CRIM1: variants seen among roughly 807,000 people sequenced by gnomAD.
CRIM1 encodes the protein cysteine rich transmembrane BMP regulator 1.
In CRIM1, 32 loss-of-function variants were observed where a neutral mutation model predicts 116.4. The ratio of observed to expected loss-of-function variants is 0.27; its 90% confidence interval spans 0.21 to 0.37. CRIM1 has a LOEUF of 0.37. Among genes scored for constraint, CRIM1 ranks in the 10% least tolerant of loss-of-function variants. The probability of loss-of-function intolerance (pLI) is 1.00; values close to 1 mark genes in which losing one functional copy is unlikely to be tolerated. For synonymous variants in CRIM1, 590 were observed against 509.2 expected (o/e 1.16, Z -2.13); for missense variants, 1,331 against 1,354.8 (o/e 0.98, Z 0.28).
chr2:36,537,351 G>C lies in CRIM1; in HGVS notation c.2429-1G>C. On this transcript the variant is annotated splice_acceptor_variant, in intron 13 of 16. Transcript: ENST00000280527. LOFTEE classifies it high-confidence loss of function. ...CCATCATGTGCTGTTCTTTTCACTA[G>C]AAGACACAATTCCAAAGAAGGTGGT... 1 of 1,614,024 alleles carries C rather than the reference G, an allele frequency of 6.2e-7. No individual in the cohort carries two copies. The highest frequency in any genetic ancestry group is 8.5e-7 in the Non-Finnish European group (1 of 1,179,968).
intron 1 of CRIM1, among the ~76,000 whole-genome samples, chr2:36,377,063 G>A (rs1670377247): frequency 6.6e-6 from 1 of 152,126 alleles, no homozygotes; most frequent in South Asian, 2.1e-4. Context: ...CCCCATGTGG[G>A]TTCCGGAAGG....
intron 4 of CRIM1, 95 bp downstream of exon 4, chr2:36,442,830 C>A: frequency 7.2e-7 from 1 of 1,392,806 alleles, no homozygotes; most frequent in Non-Finnish European, 1.0e-6. Context: ...CATGAGAAAC[C>A]TAGTCCTTTC....
At chr2:36,470,779 T>C (rs1462338473) in intron 5 of CRIM1, among the ~76,000 whole-genome samples, 1 of 152,228 alleles carries the variant, frequency 6.6e-6, no homozygotes, top group Non-Finnish European at 1.5e-5. Context: ...CTTTCAAGTC[T>C]TGTTAATTAA....
At chr2:36,537,221 A>T (rs974624292) in intron 13 of CRIM1, 131 bp from the exon 14 acceptor site, 3 of 840,458 alleles carry the variant, frequency 3.6e-6, no homozygotes, top group African/African-American at 3.4e-5. Context: ...GGGAAACAAA[A>T]GTTTCACCAA....
intron 8 of CRIM1, among the ~76,000 whole-genome samples, chr2:36,506,206 C>T (rs1026618859): frequency 6.6e-6 from 1 of 151,512 alleles, no homozygotes; most frequent in Non-Finnish European, 1.5e-5. Context: ...CACACACACA[C>T]ACACACACAC....
intron 4 of CRIM1, among the ~76,000 whole-genome samples, chr2:36,452,917 A>T (rs1416760239): frequency 6.6e-6 from 1 of 152,214 alleles, no homozygotes; most frequent in Admixed American, 6.5e-5. Flanking sequence ...CCACAGCGTG[A>T]TAATATTGAA....
At chr2:36,395,293 C>T (rs1401184928) in intron 1 of CRIM1, among the ~76,000 whole-genome samples, 1 of 152,130 alleles carries the variant, frequency 6.6e-6, no homozygotes, top group Non-Finnish European at 1.5e-5. Flanking sequence ...TGAGCCACCA[C>T]TCCCAGCCAA....
At chr2:36,462,207 T>A (rs1050221032) in intron 4 of CRIM1, among the ~76,000 whole-genome samples, 1 of 149,516 alleles carries the variant, frequency 6.7e-6, no homozygotes, top group Non-Finnish European at 1.5e-5. Context: ...TAAGGGACTT[T>A]AAAAAAAAAA....
chr2:36,514,633 C>T (rs1328714295), intron 11 of CRIM1, among the ~76,000 whole-genome samples: 1 of 152,200 alleles, frequency 6.6e-6, no homozygotes, highest in Non-Finnish European at 1.5e-5. Flanking sequence ...GTTAAGTCTA[C>T]TGTCAGATTT....
At chr2:36,409,110 G>T (rs1043813483) in intron 2 of CRIM1, among the ~76,000 whole-genome samples, 1 of 151,958 alleles carries the variant, frequency 6.6e-6, no homozygotes, top group Non-Finnish European at 1.5e-5. Flanking sequence ...ACCATCATAC[G>T]TAAAAATATA....
chr2:36,363,410 T>G (rs1262995332), intron 1 of CRIM1, among the ~76,000 whole-genome samples: 1 of 151,986 alleles, frequency 6.6e-6, no homozygotes, highest in Non-Finnish European at 1.5e-5. Flanking sequence ...ACAATTTTAC[T>G]TGGGCTCAGT....
chr2:36,362,688 G>C (rs552593108), intron 1 of CRIM1, among the ~76,000 whole-genome samples: 48 of 152,272 alleles, frequency 3.2e-4, no homozygotes, highest in African/African-American at 1.1e-3. Flanking sequence ...CAGAGGAATG[G>C]TTGAATATAC....
intron 2 of CRIM1, among the ~76,000 whole-genome samples, chr2:36,435,925 CTTTTT>C (rs11344634): frequency 6.9e-6 from 1 of 144,208 alleles, no homozygotes; most frequent in East Asian, 2.0e-4. Flanking sequence ...TCTGGGCAGG[CTTTTT>C]TTTTTTTTAA....
chr2:36,440,295 T>C (rs1675701704), intron 2 of CRIM1, among the ~76,000 whole-genome samples: 1 of 152,228 alleles, frequency 6.6e-6, no homozygotes, highest in South Asian at 2.1e-4. Flanking sequence ...GGTTTTACTT[T>C]AGGAAGACCA....
intron 12 of CRIM1, among the ~76,000 whole-genome samples, chr2:36,519,686 T>C (rs1340747728): frequency 3.9e-5 from 6 of 152,222 alleles, no homozygotes; most frequent in African/African-American, 1.4e-4. Flanking sequence ...TGCTTCCATC[T>C]GTAGGGTGCC....
intron 1 of CRIM1, among the ~76,000 whole-genome samples, chr2:36,390,350 A>G (rs1671479289): frequency 6.6e-6 from 1 of 152,222 alleles, no homozygotes; most frequent in Non-Finnish European, 1.5e-5. Flanking sequence ...ATAAATGCAA[A>G]CAATAAGAAC....
At chr2:36,415,408 G>A (rs990875663) in intron 2 of CRIM1, among the ~76,000 whole-genome samples, 66 of 152,118 alleles carry the variant, frequency 4.3e-4, no homozygotes, top group African/African-American at 1.6e-3. Flanking sequence ...GTAGCTCTTG[G>A]TTACAGCTCT....
chr2:36,465,776 C>T (rs1345421636), intron 5 of CRIM1, among the ~76,000 whole-genome samples: 1 of 152,172 alleles, frequency 6.6e-6, no homozygotes, highest in Non-Finnish European at 1.5e-5. Context: ...TCTTGGTTTC[C>T]CTGGGCCTCA....
chr2:36,508,600 G>A (rs1044136168), intron 8 of CRIM1, among the ~76,000 whole-genome samples: 2 of 152,092 alleles, frequency 1.3e-5, no homozygotes, highest in Non-Finnish European at 2.9e-5. Context: ...CTGTACTTTG[G>A]CCATCACCAT....
Sources: allele counts gnomAD v4.1 joint callset (sites outside exome capture counted in the v4.1 genomes callset), GRCh38; gene constraint gnomAD v4.1.1; transcripts MANE v1.5; gene names NCBI Gene and HGNC (gene_info 2026-07-23, HGNC 2026-07-21).